The following SEMA5A variants were observed in gnomAD, a reference collection of about 807,000 sequenced individuals.
The protein encoded by SEMA5A is semaphorin 5A, also known as semaphorin-5A.
Under a neutral mutation model 135.5 loss-of-function variants are expected in SEMA5A, and 55 were observed. The ratio of observed to expected loss-of-function variants is 0.41; its 90% CI spans 0.33 to 0.51. The LOEUF (loss-of-function observed/expected upper bound fraction) is 0.51, where lower values mean the gene tolerates loss of function less well. Among genes scored for constraint, SEMA5A ranks in the 20% least tolerant of loss-of-function variants. SEMA5A has a pLI of 0.37. For synonymous variants in SEMA5A, 580 were observed against 546.5 expected, an observed-to-expected ratio of 1.06 and a Z score of -0.85; for missense variants, 1,290 against 1,419.9, an observed-to-expected ratio of 0.91 and a Z score of 1.47.
chr5:9,272,445 C>T (rs891507799), intron 5 of SEMA5A, among the ~76,000 whole-genome samples: 1 of 152,152 alleles, frequency 6.6e-6, no homozygotes, highest in Non-Finnish European at 1.5e-5. Flanking sequence ...CTTCAGCAGG[C>T]TGAAACATCC....
intron 12 of SEMA5A, among the ~76,000 whole-genome samples, chr5:9,142,425 T>G (rs1742113224): frequency 6.6e-6 from 1 of 152,200 alleles, no homozygotes; most frequent in Non-Finnish European, 1.5e-5. Flanking sequence ...GCAGAGTCCT[T>G]GGGCTCCACT....
At chr5:9,216,160 C>T (rs1448756157) in intron 8 of SEMA5A, among the ~76,000 whole-genome samples, 1 of 152,170 alleles carries the variant, frequency 6.6e-6, no homozygotes, top group Non-Finnish European at 1.5e-5. Context: ...TTAGCTGTGT[C>T]CCAGAAATTC....
chr5:9,293,279 C>A (rs1751177453), intron 5 of SEMA5A, among the ~76,000 whole-genome samples: 1 of 152,124 alleles, frequency 6.6e-6, no homozygotes, highest in African/African-American at 2.4e-5. Context: ...TTTCTAATTT[C>A]TTGAATACTT....
chr5:9,324,515 C>T (rs751781328), intron 4 of SEMA5A, among the ~76,000 whole-genome samples: 8 of 152,210 alleles, frequency 5.3e-5, no homozygotes, highest in Non-Finnish European at 1.2e-4. Context: ...CCACATACAA[C>T]TCCAAATGCA....
intron 5 of SEMA5A, among the ~76,000 whole-genome samples, chr5:9,243,610 A>G (rs1748325755): frequency 6.6e-6 from 1 of 152,158 alleles, no homozygotes; most frequent in Non-Finnish European, 1.5e-5. Flanking sequence ...CTCAAGCAAA[A>G]TAATGGTAAC....
intron 13 of SEMA5A, 75 bp downstream of exon 13, chr5:9,136,429 T>C: frequency 1.6e-6 from 2 of 1,233,824 alleles, no homozygotes; most frequent in South Asian, 2.4e-5. Context: ...AGCGTGACAG[T>C]GTGACTGAGG....
At chr5:9,325,773 T>G (rs942213566) in intron 4 of SEMA5A, among the ~76,000 whole-genome samples, 8 of 152,084 alleles carry the variant, frequency 5.3e-5, no homozygotes, top group Non-Finnish European at 7.4e-5. Context: ...AAAAGGACAT[T>G]CTCTTAGAAT....
chr5:9,109,410 A>T (rs1287496085), intron 15 of SEMA5A, among the ~76,000 whole-genome samples: 1 of 152,226 alleles, frequency 6.6e-6, no homozygotes, highest in Non-Finnish European at 1.5e-5. Flanking sequence ...AAAAACAAAA[A>T]GGAAACAGCC....
intron 5 of SEMA5A, among the ~76,000 whole-genome samples, chr5:9,314,165 CA>C (rs1752288166): frequency 6.6e-6 from 1 of 152,082 alleles, no homozygotes; most frequent in Non-Finnish European, 1.5e-5. Flanking sequence ...CTGAGATATA[CA>C]AATCAACCCC....
chr5:9,352,105 CT>C (rs1386367591), intron 3 of SEMA5A, among the ~76,000 whole-genome samples: 2 of 95,424 alleles, frequency 2.1e-5, no homozygotes, highest in African/African-American at 3.3e-5. Context: ...GGGGGGGTTA[CT>C]TAAGAGTAGG....
chr5:9,300,735 T>C (rs1579305530), intron 5 of SEMA5A, among the ~76,000 whole-genome samples: 1 of 152,272 alleles, frequency 6.6e-6, no homozygotes, highest in East Asian at 1.9e-4. Context: ...CTAAATCCAG[T>C]TGCAAGTATC....
At chr5:9,084,558 C>A (rs986386029) in intron 16 of SEMA5A, among the ~76,000 whole-genome samples, 1 of 152,172 alleles carries the variant, frequency 6.6e-6, no homozygotes, top group Non-Finnish European at 1.5e-5. Context: ...CCTGCATGAG[C>A]CCTCTTCTCT....
rs1451506586 is a variant in SEMA5A, at chr5:9,039,872, T to G, written c.*3025A>C. On this transcript the variant is annotated 3_prime_UTR_variant, in exon 23 of 23. Coordinates refer to ENST00000382496, the MANE Select transcript of SEMA5A (RefSeq NM_003966.3). Reference sequence around the variant, plus strand: ...GTAGTGTGCAGAAATTCTGTTCTTCTCCTTCCTGTAAACTGTCAGTGCACT... The same window carrying G: ...GTAGTGTGCAGAAATTCTGTTCTTCGCCTTCCTGTAAACTGTCAGTGCACT... 6.6e-6 allele frequency: 1 copy of G among 152,232 alleles called. No homozygotes were observed. The highest frequency in any genetic ancestry group is 2.4e-5 in the African/African-American group (1 of 41,442). 9.4% of individuals were successfully genotyped at this position (152,232 alleles called of 1,614,324 possible). A position where few individuals can be genotyped will look rare whatever the true frequency, so the allele number is the denominator to read the frequency against.
At chr5:9,403,574 C>A (rs1285124014) in intron 2 of SEMA5A, among the ~76,000 whole-genome samples, 4 of 152,092 alleles carry the variant, frequency 2.6e-5, no homozygotes, top group African/African-American at 9.7e-5. Flanking sequence ...ATATTGAATA[C>A]CCTCCATGCA....
chr5:9,524,431 C>T (rs1285010491), intron 1 of SEMA5A, among the ~76,000 whole-genome samples: 1 of 152,140 alleles, frequency 6.6e-6, no homozygotes, highest in African/African-American at 2.4e-5. Context: ...CACGTGACTA[C>T]TGACATAGAC....
At chr5:9,180,610 G>A (rs1166222009) in intron 11 of SEMA5A, among the ~76,000 whole-genome samples, 1 of 152,104 alleles carries the variant, frequency 6.6e-6, no homozygotes, top group Non-Finnish European at 1.5e-5. Context: ...TAATTCTCAG[G>A]AGTGATGGCA....
Position 9,224,597 on chromosome 5 carries a change from T to C in SEMA5A, c.646+77A>G. 14 of 1,242,914 alleles carry C rather than the reference T, an allele frequency of 1.1e-5. No homozygotes were observed. In the South Asian group the frequency reaches 1.5e-4, roughly 13 times the overall value. 77.0% of individuals were successfully genotyped at this position (1,242,914 alleles called of 1,614,324 possible). ...GAATTCATTTTTATTTAGAGTGTTG[T>C]AGTTTGCTTTTGAGCACCAAATCAC... On this transcript the variant is annotated intron_variant, in intron 8 of 22. Coordinates refer to ENST00000382496, the MANE Select transcript of SEMA5A (RefSeq NM_003966.3).
At chr5:9,479,853 A>G (rs1207319335) in intron 1 of SEMA5A, among the ~76,000 whole-genome samples, 1 of 152,240 alleles carries the variant, frequency 6.6e-6, no homozygotes, top group Non-Finnish European at 1.5e-5. Flanking sequence ...AGAAGGCTAC[A>G]GGGAGAGGAG....
At chr5:9,118,894 C>T in intron 15 of SEMA5A, 104 bp downstream of exon 15, 1 of 1,389,968 alleles carries the variant, frequency 7.2e-7, no homozygotes, top group Admixed American at 2.5e-5. Flanking sequence ...GGATGCCACA[C>T]ATAAGCTTAG....
Sources: allele counts gnomAD v4.1 joint callset (sites outside exome capture counted in the v4.1 genomes callset), GRCh38; gene constraint gnomAD v4.1.1; transcripts MANE v1.5; gene names NCBI Gene and HGNC (gene_info 2026-07-23, HGNC 2026-07-21).